CD300LF: variants seen among roughly 807,000 people sequenced by gnomAD.
CD300LF encodes CD300 molecule like family member f, also known as CMRF35-like molecule 1.
A neutral mutation model predicts 32.2 loss-of-function variants in CD300LF; 27 were observed. The ratio of observed to expected loss-of-function variants is 0.84; its 90% CI spans 0.62 to 1.15. The LOEUF (loss-of-function observed/expected upper bound fraction) is 1.15. Ranked by LOEUF, CD300LF falls within the 50% of genes most tolerant of loss-of-function variation. CD300LF has a pLI of 0.00. For missense variants in CD300LF, 348 were observed against 356.8 expected, an observed-to-expected ratio of 0.98 and a Z score of 0.20; for synonymous variants, 139 against 143.2, an observed-to-expected ratio of 0.97 and a Z score of 0.21.
chr17:74,704,347 G>T, intron 2 of CD300LF, 131 bp downstream of exon 2: 1 of 702,472 alleles, frequency 1.4e-6, no homozygotes, highest in South Asian at 1.8e-5. Flanking sequence ...CAGGTGGTCA[G>T]TCAGGGTTCT....
In CD300LF at chr17:74,698,495, C is replaced by G. The variant is rs370516634; in HGVS notation, c.447-14G>C. On this transcript the variant is annotated splice_polypyrimidine_tract_variant and intron_variant, in intron 3 of 6. Coordinates refer to ENST00000326165, the MANE Select transcript of CD300LF (RefSeq NM_139018.5). ...AGGAGCTTGTGCCTAGAAACAATGG[C>G]AAGCGTCCCCTGCATCCCAGGCTCA... 2.1e-5 allele frequency: 33 copies of G among 1,607,378 alleles called. No homozygotes were observed. The African/African-American group carries it at 3.9e-4, about 19-fold the overall frequency.
intron 4 of CD300LF, 87 bp downstream of exon 4, chr17:74,698,282 G>A (rs1261537050): frequency 3.3e-5 from 31 of 930,084 alleles, no homozygotes; most frequent in Non-Finnish European, 5.3e-5. Flanking sequence ...GATTGTGTGG[G>A]TAATCCCTTG....
intron 2 of CD300LF, 104 bp from the exon 3 acceptor site, chr17:74,703,202 C>A: frequency 7.1e-7 from 1 of 1,405,786 alleles, no homozygotes; most frequent in Non-Finnish European, 1.0e-6. Flanking sequence ...ATGAGCCCAC[C>A]CGCAGCCCTG....
chr17:74,703,294 T>A (rs993307952), intron 2 of CD300LF, among the ~76,000 whole-genome samples, 196 bp from the exon 3 acceptor site: 4 of 152,084 alleles, frequency 2.6e-5, no homozygotes, highest in African/African-American at 9.7e-5. Context: ...GTCTCCCTGG[T>A]CTCTAGGAGA....
At chr17:74,704,305 G>A (rs1379252842) in intron 2 of CD300LF, 173 bp downstream of exon 2, 1 of 604,468 alleles carries the variant, frequency 1.7e-6, no homozygotes, top group African/African-American at 1.9e-5. Context: ...GAGCCATGGG[G>A]GCATTGAAGA....
intron 3 of CD300LF, among the ~76,000 whole-genome samples, chr17:74,700,419 C>T (rs1181111729): frequency 6.6e-6 from 1 of 152,068 alleles, no homozygotes; most frequent in Admixed American, 6.6e-5. Context: ...CTGTGTGGCT[C>T]ACTTTCTCAC....
In CD300LF at chr17:74,695,721, G is replaced by T; in HGVS notation, c.717+4C>A. The T allele has an allele frequency of 6.2e-7, 1 of 1,614,090 alleles. No individual in the cohort carries two copies. The highest frequency in any genetic ancestry group is 8.5e-7 in the Non-Finnish European group (1 of 1,180,000). Reference sequence around the variant, plus strand: ...CCTCACAGCAGCCCCCATGGAGGACGCACCATGGTGACATATTCCACTTCC... The same window carrying T: ...CCTCACAGCAGCCCCCATGGAGGACTCACCATGGTGACATATTCCACTTCC... On this transcript the variant is annotated splice_donor_region_variant and intron_variant, in intron 6 of 6. Transcript: ENST00000326165.
At position 74,712,771 on chromosome 17, in the gene CD300LF, A is replaced by C. The variant is rs528248402; in HGVS notation, c.43+53T>G. 8 of 1,604,042 alleles carry C rather than the reference A, an allele frequency of 5.0e-6. No individual in the cohort carries two copies. In the Admixed American group the frequency reaches 1.3e-4, roughly 27 times the overall value. On this transcript the variant is annotated intron_variant, in intron 1 of 6. Coordinates refer to ENST00000326165, the MANE Select transcript of CD300LF (RefSeq NM_139018.5). ...GGGTCCCTTCTTCCCTCTCTCAGCCACCTCCTCCTGCTTGCTAAGCTTCCC... is the reference window on the plus strand; with the variant it reads ...GGGTCCCTTCTTCCCTCTCTCAGCCCCCTCCTCCTGCTTGCTAAGCTTCCC...
In CD300LF at chr17:74,706,720, C is replaced by T. The variant is rs151196286; in HGVS notation, c.44-1904G>A. ...CCAGCAGTTCAAGCACAACAACCAA[C>T]GGCGCGGACAGAGGGCCTCAGTGTC... On this transcript the variant is annotated intron_variant, in intron 1 of 6. Transcript: ENST00000326165. 3.4e-3 allele frequency among the ~76,000 whole-genome samples: 519 copies of T among 152,242 alleles called. 1 individual carries two copies. Among genetic ancestry groups the T allele is most frequent in the Non-Finnish European group, 4.0e-3 (274 of 68,034 alleles).
chr17:74,707,055 G>A (rs539425762), intron 1 of CD300LF, among the ~76,000 whole-genome samples: 2 of 152,312 alleles, frequency 1.3e-5, no homozygotes, highest in South Asian at 4.1e-4. Flanking sequence ...TAATGGAAAA[G>A]CTCCACAACA....
In CD300LF at chr17:74,704,510, A is replaced by G. The variant is rs760673748; in HGVS notation, c.350T>C (p.Leu117Pro). Residue 117 changes from leucine to proline, a missense_variant, in exon 2 of 7, where the codon CTT becomes CCT. Coordinates refer to ENST00000326165, the MANE Select transcript of CD300LF (RefSeq NM_139018.5). ...AATGGTCACTTGAACTGTGACCCCA[A>G]GGTCATTTCCAGTTTTCTCAATTCC... is the stretch of plus-strand genomic sequence containing the variant. ...WCGIEKTGND[L>P]GVTVQVTIDP... The G allele has an allele frequency of 1.9e-6, 3 of 1,613,964 alleles. No homozygotes were observed. Among genetic ancestry groups the G allele is most frequent in the South Asian group, 2.2e-5 (2 of 91,060 alleles).
intron 4 of CD300LF, among the ~76,000 whole-genome samples, chr17:74,696,898 G>A (rs979473274): frequency 5.0e-5 from 7 of 141,094 alleles, no homozygotes; most frequent in South Asian, 2.3e-4. Context: ...AGTAGGGACC[G>A]ATTTTGTTTG....
At position 74,705,333 on chromosome 17, in the gene CD300LF, C is replaced by T. The variant is rs866877944; in HGVS notation, c.44-517G>A. On this transcript the variant is annotated intron_variant, in intron 1 of 6. Coordinates refer to ENST00000326165, the MANE Select transcript of CD300LF (RefSeq NM_139018.5). Reference sequence around the variant, plus strand: ...TGGAATAAACCACCCTGGATGAATGCCTTTGAAGTTGATCAAAACAGCAAC... The same window carrying T: ...TGGAATAAACCACCCTGGATGAATGTCTTTGAAGTTGATCAAAACAGCAAC... 2.4e-5 allele frequency: 16 copies of T among 675,604 alleles called. No individual in the cohort carries two copies. The Middle Eastern group carries it at 2.9e-3, about 122-fold the overall frequency. The allele number at this position is 675,604 out of a possible 1,614,324, so 41.9% of individuals were successfully genotyped here.
In CD300LF at chr17:74,709,257, A is replaced by C. The variant is rs115713787; in HGVS notation, c.43+3567T>G. The stretch of plus-strand genomic sequence containing the variant: ...GGAAAAAAGAAAATCAATAAGGGTA[A>C]TATGCCATATTAACAGAGTCAAGGA... On this transcript the variant is annotated intron_variant, in intron 1 of 6. Coordinates refer to ENST00000326165, the MANE Select transcript of CD300LF (RefSeq NM_139018.5). Among the ~76,000 whole-genome samples the C allele has an allele frequency of 7.0e-3, 1,068 of 152,178 alleles. 12 individuals carry two copies. The highest frequency in any genetic ancestry group is 0.025 in the African/African-American group (1,020 of 41,516).
At chr17:74,712,564 C>A (rs1181429163) in intron 1 of CD300LF, among the ~76,000 whole-genome samples, 1 of 152,214 alleles carries the variant, frequency 6.6e-6, no homozygotes, top group African/African-American at 2.4e-5. Flanking sequence ...CCCTGGCCGG[C>A]GGGGCCTACA....
chr17:74,697,516 A>G (rs573601295), intron 4 of CD300LF, among the ~76,000 whole-genome samples: 17 of 152,344 alleles, frequency 1.1e-4, no homozygotes, highest in African/African-American at 3.6e-4. Context: ...ACTAACAGAG[A>G]GTCAGGCTCC....
At position 74,702,915 on chromosome 17, in the gene CD300LF, T is replaced by G. The variant is rs534442195; in HGVS notation, c.446+120A>C. 5.0e-6 allele frequency: 4 copies of G among 802,074 alleles called. No homozygotes were observed. In the East Asian group the frequency reaches 1.0e-4, roughly 20 times the overall value. 49.7% of individuals were successfully genotyped at this position (802,074 alleles called of 1,614,324 possible). A position where few individuals can be genotyped will look rare whatever the true frequency, so the allele number is the denominator to read the frequency against. ...GTGGGAAGGGCTCCCAGCTTCCTCA[T>G]CCTCACCAAGGAGCATGCAGGTCCC... On this transcript the variant is annotated intron_variant, in intron 3 of 6. Transcript: ENST00000326165.
chr17:74,696,860 G>A (rs367547627), intron 4 of CD300LF, among the ~76,000 whole-genome samples: 3 of 152,262 alleles, frequency 2.0e-5, no homozygotes, highest in East Asian at 1.9e-4. Context: ...CCCCAACCCC[G>A]AGTAGAATGT....
chr17:74,702,944 C>T, intron 3 of CD300LF, 91 bp downstream of exon 3: 1 of 1,118,892 alleles, frequency 8.9e-7, no homozygotes, highest in Non-Finnish European at 1.3e-6. Context: ...AGGTCCCAGA[C>T]AAAGCTCAGG....
Sources: gnomAD v4.1 joint callset for allele counts (sites outside exome capture counted in the v4.1 genomes callset) on GRCh38, gnomAD v4.1.1 for gene constraint, MANE v1.5 for transcripts, NCBI Gene and HGNC (gene_info 2026-07-23, HGNC 2026-07-21) for gene names.